FAM240B: variants seen among roughly 807,000 people sequenced by gnomAD.
The protein encoded by FAM240B is family with sequence similarity 240 member B.
intron 1 of FAM240B, among the ~76,000 whole-genome samples, chr9:38,710,387 A>C (rs1026598423): frequency 2.0e-5 from 3 of 152,234 alleles, no homozygotes; most frequent in Admixed American, 6.5e-5. Context: ...AAAAAGCAGG[A>C]GCAGGAAATT....
intron 1 of FAM240B, among the ~76,000 whole-genome samples, chr9:38,715,402 T>G (rs1173395430): frequency 6.6e-6 from 1 of 152,252 alleles, no homozygotes; most frequent in Non-Finnish European, 1.5e-5. Context: ...AAGTGCTTAA[T>G]AAAATCCTGG....
intron 2 of FAM240B, among the ~76,000 whole-genome samples, chr9:38,699,713 A>G (rs531967016): frequency 3.5e-4 from 53 of 152,320 alleles, no homozygotes; most frequent in African/African-American, 1.3e-3. Flanking sequence ...GGCCGGCACT[A>G]TCAGTCAACT....
intron 1 of FAM240B, among the ~76,000 whole-genome samples, chr9:38,710,886 C>T (rs1587593216): frequency 6.6e-6 from 1 of 152,182 alleles, no homozygotes; most frequent in Non-Finnish European, 1.5e-5. Context: ...TACAAAGAGG[C>T]AAGCCACTGC....
intron 1 of FAM240B, among the ~76,000 whole-genome samples, chr9:38,706,017 G>C (rs1821187147): frequency 6.6e-6 from 1 of 152,178 alleles, no homozygotes; most frequent in Non-Finnish European, 1.5e-5. Context: ...CTCAGTGCCA[G>C]CTGCTCTGCG....
At chr9:38,701,196 C>A (rs536082363) in intron 2 of FAM240B, among the ~76,000 whole-genome samples, 2 of 151,946 alleles carry the variant, frequency 1.3e-5, no homozygotes, top group South Asian at 4.2e-4. Flanking sequence ...TGGGCATTTG[C>A]GTATAGTGGA....
At position 38,707,747 on chromosome 9, in the gene FAM240B, C is replaced by G. The variant is rs987305190; in HGVS notation, c.-3-3745G>C. On this transcript the variant is annotated intron_variant, in intron 1 of 2. Coordinates refer to ENST00000637493, the MANE Select transcript of FAM240B (RefSeq NM_001394922.1). ...AGGTGGAGATTGCAGTGAGCTGAGG[C>G]AGCGCCACTGCACTCCAGTCTGAGC... 2.0e-5 allele frequency among the ~76,000 whole-genome samples: 3 copies of G among 146,698 alleles called. No homozygotes were observed. The East Asian group carries it at 6.0e-4, about 29-fold the overall frequency.
At chr9:38,701,007 C>G (rs1410425494) in intron 2 of FAM240B, among the ~76,000 whole-genome samples, 1 of 152,206 alleles carries the variant, frequency 6.6e-6, no homozygotes, top group Non-Finnish European at 1.5e-5. Flanking sequence ...TGGATTTGTT[C>G]TCCTGTCAAC....
chr9:38,694,568 C>G lies in FAM240B; in HGVS notation c.*208G>C, dbSNP rs376194136. 2.6e-6 allele frequency: 1 copy of G among 385,838 alleles called. No individual in the cohort carries two copies. The highest frequency in any genetic ancestry group is 4.6e-6 in the Non-Finnish European group (1 of 218,718). 23.9% of individuals were successfully genotyped at this position (385,838 alleles called of 1,614,324 possible). On this transcript the variant is annotated 3_prime_UTR_variant, in exon 3 of 3. Transcript: ENST00000637493. ...TAGCCCAAGCGTCCTATCCCACTTG[C>G]GGTCATCCTGTCCTCTGTGCGGAGG...
intron 1 of FAM240B, among the ~76,000 whole-genome samples, chr9:38,716,094 G>T (rs1041136219): frequency 6.6e-6 from 1 of 152,176 alleles, no homozygotes; most frequent in Non-Finnish European, 1.5e-5. Context: ...GCCGAGGCAG[G>T]TCTCTTTTCT....
chr9:38,707,289 G>A, intron 1 of FAM240B, among the ~76,000 whole-genome samples: 1 of 152,162 alleles, frequency 6.6e-6, no homozygotes, highest in East Asian at 1.9e-4. Context: ...AGAGGCCCGT[G>A]CAGGAACACA....
chr9:38,704,090 C>A (rs948956627), intron 1 of FAM240B, 88 bp from the exon 2 acceptor site: 2 of 384,294 alleles, frequency 5.2e-6, no homozygotes, highest in Non-Finnish European at 9.2e-6. Context: ...TGCATGTAGA[C>A]ACTGCCATTT....
At chr9:38,708,257 C>T (rs1821213939) in intron 1 of FAM240B, among the ~76,000 whole-genome samples, 2 of 152,302 alleles carry the variant, frequency 1.3e-5, no homozygotes, top group South Asian at 4.2e-4. Flanking sequence ...GCAGGGCACC[C>T]TGAACTATTT....
rs568028856 is a variant in FAM240B at position 38,703,938 on chromosome 9, C to G, written c.62G>C (p.Ser21Thr). The G allele has an allele frequency of 1.6e-4, 63 of 400,562 alleles. No individual in the cohort carries two copies. Among genetic ancestry groups the G allele is most frequent in the African/African-American group, 1.2e-3 (58 of 48,802 alleles). 24.8% of individuals were successfully genotyped at this position (400,562 alleles called of 1,614,324 possible). ...FCCGTCHELK[S>T]FWEKEISKQT... ...TTTGCTAATTTCTTTTTCCCAGAAGCTTTTGAGCTCATGACAAGTTCCACA... is the reference window on the plus strand; with the variant it reads ...TTTGCTAATTTCTTTTTCCCAGAAGGTTTTGAGCTCATGACAAGTTCCACA... Residue 21 changes from serine (S) to threonine (T), a missense_variant, in exon 2 of 3, where the codon AGC becomes ACC. Coordinates refer to ENST00000637493, the MANE Select transcript of FAM240B (RefSeq NM_001394922.1).
chr9:38,701,029 G>T (rs190526317), intron 2 of FAM240B, among the ~76,000 whole-genome samples: 5 of 152,344 alleles, frequency 3.3e-5, no homozygotes, highest in African/African-American at 1.2e-4. Context: ...AAGGGATTTG[G>T]TGGGAAATTT....
rs886782739 is a variant in FAM240B at position 38,703,867 on chromosome 9, C to G, written c.133G>C (p.Ala45Pro). The change falls in exon 2 of 3, where the codon GCC (alanine) becomes CCC (proline). Residue 45 changes from alanine to proline, a missense_variant. Coordinates refer to ENST00000637493, the MANE Select transcript of FAM240B (RefSeq NM_001394922.1). Reference protein sequence around the residue: ...ELEEDRQERSALKKLREEWRQ... With the variant: ...ELEEDRQERSPLKKLREEWRQ... ...AAACAATTCACATACTTTTTCAGGG[C>G]GCTTCTTTCTTGACGATCTTCCTCC... The G allele has an allele frequency of 2.5e-6, 1 of 400,308 alleles. No homozygotes were observed. Among genetic ancestry groups the G allele is most frequent in the Non-Finnish European group, 4.4e-6 (1 of 226,048 alleles). 24.8% of individuals were successfully genotyped at this position (400,308 alleles called of 1,614,324 possible).
chr9:38,715,897 G>A (rs1423111281), intron 1 of FAM240B, among the ~76,000 whole-genome samples: 1 of 152,150 alleles, frequency 6.6e-6, no homozygotes, highest in Non-Finnish European at 1.5e-5. Context: ...AGCAATTAGA[G>A]AAAGCACCAC....
At chr9:38,709,639 G>T (rs1423765315) in intron 1 of FAM240B, among the ~76,000 whole-genome samples, 1 of 152,158 alleles carries the variant, frequency 6.6e-6, no homozygotes, top group Non-Finnish European at 1.5e-5. Flanking sequence ...AGGGAAAGCC[G>T]CTGTGATCTC....
intron 1 of FAM240B, among the ~76,000 whole-genome samples, chr9:38,704,905 A>G (rs1821171325): frequency 6.6e-6 from 1 of 152,216 alleles, no homozygotes; most frequent in Non-Finnish European, 1.5e-5. Context: ...CTTCAGAGCC[A>G]GTGCTTTTTG....
chr9:38,705,643 T>G (rs1821182732), intron 1 of FAM240B: 1 of 151,958 alleles, frequency 6.6e-6, no homozygotes, highest in Non-Finnish European at 1.5e-5. Context: ...TTATTTTATA[T>G]TTATGATATG....
Sources: allele counts gnomAD v4.1 joint callset (sites outside exome capture counted in the v4.1 genomes callset), GRCh38; gene constraint gnomAD v4.1.1; transcripts MANE v1.5; gene names NCBI Gene and HGNC (gene_info 2026-07-23, HGNC 2026-07-21).